Variants in KANSL1L observed in about 807,000 individuals in gnomAD.
The protein encoded by KANSL1L is KAT8 regulatory NSL complex subunit 1 like.
KANSL1L carries 25 observed loss-of-function variants against 108.6 expected under a neutral mutation model. The ratio of observed to expected loss-of-function variants is 0.23; its 90% CI spans 0.17 to 0.32. The LOEUF (loss-of-function observed/expected upper bound fraction) is 0.32, where lower values mean the gene tolerates loss of function less well. Ranked by LOEUF, KANSL1L falls within the 10% of genes least tolerant of loss-of-function variation. The pLI, the probability that KANSL1L is intolerant of heterozygous loss-of-function variation, is 1.00. For synonymous variants in KANSL1L, 405 were observed against 395.1 expected, an observed-to-expected ratio of 1.03 and a Z score of -0.30; for missense variants, 1,137 against 1,125.7, an observed-to-expected ratio of 1.01 and a Z score of -0.14.
At chr2:210,155,109 T>C (rs923118309) in intron 1 of KANSL1L, 6 of 152,106 alleles carry the variant, frequency 3.9e-5, no homozygotes, top group African/African-American at 1.4e-4. Flanking sequence ...TAATAAATAA[T>C]GTGTAAGAAG....
chr2:210,083,873 A>C (rs1033542861), intron 5 of KANSL1L, among the ~76,000 whole-genome samples: 5 of 151,418 alleles, frequency 3.3e-5, no homozygotes, highest in Non-Finnish European at 7.4e-5. Flanking sequence ...AAAAAATAAG[A>C]CTTAAACTTA....
At position 210,145,680 on chromosome 2, in the gene KANSL1L, T is replaced by G. The variant is rs1442920407; in HGVS notation, c.1088+7815A>C. Among the ~76,000 whole-genome samples the G allele has an allele frequency of 2.0e-5, 3 of 152,092 alleles. No individual in the cohort carries two copies. In the East Asian group the frequency reaches 5.8e-4, roughly 29 times the overall value. ...TTCTGGGGTCCAAGGAGTGGTCTAGTATATTGTGAAGATGTCAGATGTCAG... is the reference window on the plus strand; with the variant it reads ...TTCTGGGGTCCAAGGAGTGGTCTAGGATATTGTGAAGATGTCAGATGTCAG... On this transcript the variant is annotated intron_variant, in intron 2 of 14. Coordinates refer to ENST00000281772, the MANE Select transcript of KANSL1L (RefSeq NM_152519.4).
chr2:210,169,569 C>A (rs1447092125), intron 1 of KANSL1L, among the ~76,000 whole-genome samples: 2 of 152,020 alleles, frequency 1.3e-5, no homozygotes, highest in East Asian at 3.8e-4. Context: ...TTTGCAAAGG[C>A]GCATCATGAA....
At chr2:210,152,419 A>G (rs1275929456) in intron 2 of KANSL1L, 1 of 152,230 alleles carries the variant, frequency 6.6e-6, no homozygotes, top group Non-Finnish European at 1.5e-5. Context: ...CATAGACATA[A>G]AAGATTTCCA....
chr2:210,054,253 C>T (rs370644733), intron 6 of KANSL1L, among the ~76,000 whole-genome samples: 186 of 148,984 alleles, frequency 1.2e-3, no homozygotes, highest in African/African-American at 4.2e-3. Context: ...ACTCAGGAGG[C>T]GGAGCTTCCA....
Position 210,112,457 on chromosome 2 carries a change from A to C in KANSL1L, c.1231-8156T>G, listed in dbSNP as rs564030481. 5.9e-5 allele frequency among the ~76,000 whole-genome samples: 9 copies of C among 152,310 alleles called. No homozygotes were observed. In the East Asian group the frequency reaches 1.7e-3, roughly 29 times the overall value. The stretch of plus-strand genomic sequence containing the variant: ...AATAAAACACATCTTTAAAGTGCTA[A>C]AGAAAAATAACTGTCAAACTAGAAT... On this transcript the variant is annotated intron_variant, in intron 3 of 14. Transcript: ENST00000281772.
At chr2:210,072,341 T>G (rs1016898786) in intron 6 of KANSL1L, among the ~76,000 whole-genome samples, 6 of 152,218 alleles carry the variant, frequency 3.9e-5, no homozygotes, top group Non-Finnish European at 7.3e-5. Flanking sequence ...TACTACACAG[T>G]GTTATCCTCC....
At chr2:210,041,163 G>C in intron 7 of KANSL1L, among the ~76,000 whole-genome samples, 1 of 151,998 alleles carries the variant, frequency 6.6e-6, no homozygotes, top group Non-Finnish European at 1.5e-5. Flanking sequence ...AATTTACTAT[G>C]TTTATATTCT....
intron 8 of KANSL1L, among the ~76,000 whole-genome samples, chr2:210,039,358 T>A (rs2125174101): frequency 6.6e-6 from 1 of 152,016 alleles, no homozygotes; most frequent in East Asian, 1.9e-4. Flanking sequence ...ACTCGTTAAG[T>A]TTGATTAAAA....
chr2:210,027,185 AT>A, intron 12 of KANSL1L, 110 bp downstream of exon 12: 1 of 652,786 alleles, frequency 1.5e-6, no homozygotes, highest in Non-Finnish European at 2.7e-6. Flanking sequence ...AAAGAAAAAA[AT>A]CAGTGTAAGT....
intron 3 of KANSL1L, among the ~76,000 whole-genome samples, chr2:210,115,852 A>G (rs2094948646): frequency 6.6e-6 from 1 of 152,304 alleles, no homozygotes; most frequent in Non-Finnish European, 1.5e-5. Flanking sequence ...AGCATGAGAG[A>G]GGGGAGGCAG....
intron 2 of KANSL1L, among the ~76,000 whole-genome samples, chr2:210,141,336 A>G (rs144309503): frequency 1.3e-5 from 2 of 152,074 alleles, no homozygotes; most frequent in African/African-American, 2.4e-5. Context: ...CTCAAAATTC[A>G]TATGTTAAAA....
At position 210,024,208 on chromosome 2, in the gene KANSL1L, A is replaced by G; in HGVS notation, c.2565-7T>C. On this transcript the variant is annotated splice_region_variant and splice_polypyrimidine_tract_variant and intron_variant, in intron 13 of 14. Transcript: ENST00000281772. Reference sequence around the variant, plus strand: ...AACATTTTTACTGTAAGCTCTAGCAAGAAAATCAGGAAAACACAATTATTT... The same window carrying G: ...AACATTTTTACTGTAAGCTCTAGCAGGAAAATCAGGAAAACACAATTATTT... 1.9e-6 allele frequency: 3 copies of G among 1,549,012 alleles called. No individual in the cohort carries two copies. The highest frequency in any genetic ancestry group is 2.6e-6 in the Non-Finnish European group (3 of 1,148,598).
rs2093990351 is a variant in KANSL1L, at chr2:210,029,827, T to C, written c.2247A>G (p.Leu749=). ...CTCGTGATGAATTCTGGATTCTTGA[T>C]AAAACGTTGACATTGGAAACAGCAG... ...NFTAVSNVNV[L]SRIQNSSRNT... is the part of the protein sequence containing the mutation. The change falls in exon 10 of 15, where the codon TTA becomes TTG. Residue 749 remains leucine, a synonymous_variant. Transcript: ENST00000281772. 6.3e-7 allele frequency: 1 copy of C among 1,595,854 alleles called. No individual in the cohort carries two copies. The highest frequency in any genetic ancestry group is 1.7e-5 in the Admixed American group (1 of 59,464).
chr2:210,133,082 C>T (rs1003609262), intron 2 of KANSL1L, among the ~76,000 whole-genome samples: 1 of 151,990 alleles, frequency 6.6e-6, no homozygotes, highest in Non-Finnish European at 1.5e-5. Flanking sequence ...AATTTATTGA[C>T]ATGTACTTGT....
intron 5 of KANSL1L, among the ~76,000 whole-genome samples, chr2:210,085,588 A>T (rs569995167): frequency 5.3e-5 from 8 of 152,274 alleles, no homozygotes; most frequent in African/African-American, 1.4e-4. Flanking sequence ...AATACAAAAA[A>T]ACTTGAATAA....
chr2:210,122,297 T>C (rs1338843675), intron 3 of KANSL1L, among the ~76,000 whole-genome samples: 3 of 152,146 alleles, frequency 2.0e-5, no homozygotes, highest in Non-Finnish European at 4.4e-5. Context: ...TACAGAGCTG[T>C]ATTAATCAAA....
chr2:210,069,445 C>G (rs1057260904), intron 6 of KANSL1L, among the ~76,000 whole-genome samples: 3 of 152,180 alleles, frequency 2.0e-5, no homozygotes, highest in African/African-American at 7.2e-5. Context: ...TGCTCATTAC[C>G]CAGTTCCAAA....
chr2:210,078,012 C>G (rs949739498), intron 5 of KANSL1L, among the ~76,000 whole-genome samples: 2 of 152,124 alleles, frequency 1.3e-5, no homozygotes, highest in Non-Finnish European at 2.9e-5. Flanking sequence ...GTGTGAACAC[C>G]ATTGAGTGTA....
Sources: gnomAD v4.1 joint callset for allele counts (sites outside exome capture counted in the v4.1 genomes callset) on GRCh38, gnomAD v4.1.1 for gene constraint, MANE v1.5 for transcripts, NCBI Gene and HGNC (gene_info 2026-07-23, HGNC 2026-07-21) for gene names.